OLA1: variants seen among roughly 807,000 people sequenced by gnomAD.
OLA1 encodes Obg like ATPase 1, also known as obg-like ATPase 1.
A neutral mutation model predicts 48.4 loss-of-function variants in OLA1; 14 were observed. The ratio of observed to expected loss-of-function variants is 0.29; its 90% confidence interval spans 0.19 to 0.45. OLA1 has a LOEUF of 0.45. Among genes scored for constraint, OLA1 ranks in the 20% least tolerant of loss-of-function variants. The pLI is 1.00. For synonymous variants in OLA1, 127 were observed against 150.4 expected (o/e 0.84, Z 1.14); for missense variants, 325 against 467.1 (o/e 0.70, Z 2.80).
chr2:174,163,757 TATATATATATATATATATAA>T (rs1220137539), intron 4 of OLA1, among the ~76,000 whole-genome samples: 412 of 40,182 alleles, frequency 0.01, 34 homozygotes, highest in East Asian at 0.066. Flanking sequence ...TATATATATA[TATATATATATATATATATAA>T]ATAAATGTTT....
At chr2:174,156,292 G>A (rs1686875611) in intron 4 of OLA1, among the ~76,000 whole-genome samples, 1 of 152,110 alleles carries the variant, frequency 6.6e-6, no homozygotes, top group Non-Finnish European at 1.5e-5. Flanking sequence ...CTAGATGCCA[G>A]TAACACACAC....
At position 174,123,068 on chromosome 2, in the gene OLA1, A is replaced by G. The variant is rs1042204273; in HGVS notation, c.728+112T>C. On this transcript the variant is annotated intron_variant, in intron 7 of 10. Transcript: ENST00000284719. Reference sequence around the variant, plus strand: ...TCTCATCCATTTTAAACTTTTTAATAAGGAGAAAAATATTAAAATTAAACA... The same window carrying G: ...TCTCATCCATTTTAAACTTTTTAATGAGGAGAAAAATATTAAAATTAAACA... 23 of 588,700 alleles carry G rather than the reference A, an allele frequency of 3.9e-5. No individual in the cohort carries two copies. In the African/African-American group the frequency reaches 4.4e-4, roughly 11 times the overall value. The allele number at this position is 588,700 out of a possible 1,614,324, so 36.5% of individuals were successfully genotyped here. A position where few individuals can be genotyped will look rare whatever the true frequency, so the allele number is the denominator to read the frequency against.
chr2:174,246,640 C>T, intron 2 of OLA1, 75 bp downstream of exon 2: 1 of 942,224 alleles, frequency 1.1e-6, no homozygotes, highest in Non-Finnish European at 1.7e-6. Flanking sequence ...TTAATTACCT[C>T]ACGGTTCCCA....
rs932187427 is a variant in OLA1, at chr2:174,237,408, CT to C, written c.102-7958del. On this transcript the variant is annotated intron_variant, in intron 2 of 10. Transcript: ENST00000284719. ...ACTGCCAACGGCTGTTTTACAGTTA[CT>C]TTTTTTTTTTATAAGTAGAAAGAGT... Among the ~76,000 whole-genome samples, 1,212 of 146,332 alleles carry C rather than the reference CT, an allele frequency of 8.3e-3. 19 individuals carry two copies. Among genetic ancestry groups the C allele is most frequent in the African/African-American group, 0.027 (1,090 of 40,098 alleles).
At chr2:174,242,333 C>T (rs1286534078) in intron 2 of OLA1, among the ~76,000 whole-genome samples, 1 of 152,224 alleles carries the variant, frequency 6.6e-6, no homozygotes, top group Non-Finnish European at 1.5e-5. Flanking sequence ...ATGCGCAGTT[C>T]ACAACAGGGC....
chr2:174,215,027 G>A (rs1688332076), intron 4 of OLA1, among the ~76,000 whole-genome samples: 1 of 151,306 alleles, frequency 6.6e-6, no homozygotes, highest in Non-Finnish European at 1.5e-5. Flanking sequence ...TCCAGCCTGG[G>A]CGACAGAGTG....
In OLA1 at chr2:174,248,019, C is replaced by T. The variant is rs1397606991; in HGVS notation, c.-1+433G>A. On this transcript the variant is annotated intron_variant, in intron 1 of 10. Transcript: ENST00000284719. Reference sequence around the variant, plus strand: ...CCCTGCCCTTGCAGTAGTATTCCAGCCTCTGATCCCTGACCCCGAGGGCCA... The same window carrying T: ...CCCTGCCCTTGCAGTAGTATTCCAGTCTCTGATCCCTGACCCCGAGGGCCA... 1.2e-5 allele frequency: 5 copies of T among 403,882 alleles called. No homozygotes were observed. In the East Asian group the frequency reaches 2.2e-4, roughly 17 times the overall value. 25.0% of individuals were successfully genotyped at this position (403,882 alleles called of 1,614,324 possible).
intron 7 of OLA1, among the ~76,000 whole-genome samples, chr2:174,083,281 C>T (rs1684896811): frequency 6.6e-6 from 1 of 151,946 alleles, no homozygotes; most frequent in Non-Finnish European, 1.5e-5. Flanking sequence ...AAAAGAAAAA[C>T]AAGAACTAAG....
At chr2:174,087,688 A>T (rs367713989) in intron 7 of OLA1, among the ~76,000 whole-genome samples, 66 of 152,272 alleles carry the variant, frequency 4.3e-4, no homozygotes, top group African/African-American at 1.4e-3. Flanking sequence ...TTGCAACTTA[A>T]AACACAACCC....
chr2:174,212,698 T>A (rs1367151738), intron 4 of OLA1, among the ~76,000 whole-genome samples: 1 of 152,202 alleles, frequency 6.6e-6, no homozygotes, highest in Non-Finnish European at 1.5e-5. Flanking sequence ...AAATTTTATT[T>A]TTATTTTTAA....
chr2:174,095,334 TTTTTTTTTTTTTTTTG>T (rs1685225257), intron 7 of OLA1, among the ~76,000 whole-genome samples: 1 of 121,298 alleles, frequency 8.2e-6, no homozygotes, highest in African/African-American at 3.0e-5. Flanking sequence ...TGTTTTTTTT[TTTTTTTTTTTTTTTTG>T]TTGTTGTTGT....
chr2:174,215,501 A>G (rs973072626), intron 4 of OLA1, among the ~76,000 whole-genome samples: 6 of 152,158 alleles, frequency 3.9e-5, no homozygotes, highest in African/African-American at 1.4e-4. Flanking sequence ...TTTTTTGAAG[A>G]TTTGCAACAA....
intron 4 of OLA1, among the ~76,000 whole-genome samples, chr2:174,200,544 G>A (rs1028154566): frequency 1.3e-5 from 2 of 152,174 alleles, no homozygotes; most frequent in African/African-American, 2.4e-5. Context: ...GACCACTAAT[G>A]TGGCATCAAA....
At chr2:174,111,489 C>T (rs997081248) in intron 7 of OLA1, among the ~76,000 whole-genome samples, 4 of 152,054 alleles carry the variant, frequency 2.6e-5, no homozygotes, top group South Asian at 4.2e-4. Flanking sequence ...GGGGATTAAA[C>T]GAAATGATAG....
chr2:174,161,680 ATACACACACACAC>A (rs1235362182), intron 4 of OLA1, among the ~76,000 whole-genome samples: 1 of 71,516 alleles, frequency 1.4e-5, no homozygotes, highest in African/African-American at 4.3e-5. Flanking sequence ...AAAAAAAAAA[ATACACACACACAC>A]ACACACACAC....
intron 4 of OLA1, among the ~76,000 whole-genome samples, chr2:174,185,468 T>G (rs1167451961): frequency 6.6e-6 from 1 of 152,222 alleles, no homozygotes; most frequent in Non-Finnish European, 1.5e-5. Flanking sequence ...AAATAACCAC[T>G]GTCAACATTC....
intron 2 of OLA1, among the ~76,000 whole-genome samples, chr2:174,238,620 C>T (rs151308807): frequency 1.4e-3 from 211 of 152,208 alleles, no homozygotes; most frequent in African/African-American, 2.6e-3. Flanking sequence ...ACCACCTGTG[C>T]GCACATAAAA....
chr2:174,183,815 C>G (rs1304856898), intron 4 of OLA1, among the ~76,000 whole-genome samples: 1 of 152,152 alleles, frequency 6.6e-6, no homozygotes, highest in East Asian at 1.9e-4. Flanking sequence ...TCAAGTGGAA[C>G]TCAATAAACG....
intron 4 of OLA1, among the ~76,000 whole-genome samples, chr2:174,179,883 G>A (rs572833775): frequency 8.0e-4 from 121 of 152,046 alleles, no homozygotes; most frequent in African/African-American, 2.8e-3. Context: ...GTCACATAAT[G>A]AGAACCAGAA....
Sources: allele counts gnomAD v4.1 joint callset (sites outside exome capture counted in the v4.1 genomes callset), GRCh38; gene constraint gnomAD v4.1.1; transcripts MANE v1.5; gene names NCBI Gene and HGNC (gene_info 2026-07-23, HGNC 2026-07-21).